CARMIL1: variants seen among roughly 807,000 people sequenced by gnomAD.
CARMIL1 encodes the protein F-actin-uncapping protein LRRC16A.
CARMIL1 carries 90 observed loss-of-function variants against 177.1 expected under a neutral mutation model. The ratio of observed to expected loss-of-function variants is 0.51; its 90% confidence interval spans 0.43 to 0.61. The LOEUF is 0.61. CARMIL1 is among the 20% of genes least tolerant of loss of function. The pLI, the probability that CARMIL1 is intolerant of heterozygous loss-of-function variation, is 0.00. For synonymous variants in CARMIL1, 577 were observed against 606.2 expected, an observed-to-expected ratio of 0.95 and a Z score of 0.71; for missense variants, 1,380 against 1,667.0, an observed-to-expected ratio of 0.83 and a Z score of 3.00.
chr6:25,610,678 G>A (rs538521740), intron 36 of CARMIL1, among the ~76,000 whole-genome samples: 1 of 152,196 alleles, frequency 6.6e-6, no homozygotes, highest in African/African-American at 2.4e-5. Context: ...GAAGTGTGGT[G>A]CAGACATGGA....
intron 8 of CARMIL1, among the ~76,000 whole-genome samples, chr6:25,464,068 C>T (rs185799261): frequency 8.5e-4 from 130 of 152,102 alleles, no homozygotes; most frequent in Middle Eastern, 3.4e-3. Context: ...GTGATCCGCC[C>T]GTCTCGGCCT....
At position 25,515,740 on chromosome 6, in the gene CARMIL1, C is replaced by T; in HGVS notation, c.1698C>T (p.Ala566=). The change falls in exon 21 of 37, where the codon GCC becomes GCT. Residue 566 remains alanine, a synonymous_variant. Transcript: ENST00000329474. The surrounding 1 kb of genome is among the most constrained non-coding windows in gnomAD (Gnocchi z 5.0). ...CTGAGGTCACCATCATCATCAATGCCCTGGGAAGCAACACCTCCCTGACCA... is the reference window on the plus strand; with the variant it reads ...CTGAGGTCACCATCATCATCAATGCTCTGGGAAGCAACACCTCCCTGACCA... The part of the protein sequence containing the change: ...LKTEVTIIIN[A]LGSNTSLTKV... 6.2e-7 allele frequency: 1 copy of T among 1,610,926 alleles called. No individual in the cohort carries two copies. Among genetic ancestry groups the T allele is most frequent in the Non-Finnish European group, 8.5e-7 (1 of 1,178,762 alleles).
chr6:25,279,949 G>A, intron 1 of CARMIL1, 114 bp downstream of exon 1: 2 of 1,257,130 alleles, frequency 1.6e-6, no homozygotes, highest in South Asian at 1.2e-5. Flanking sequence ...GCCCCTTAGG[G>A]CAGAGTGGTG....
chr6:25,337,316 T>C (rs746760747), intron 2 of CARMIL1, among the ~76,000 whole-genome samples: 6 of 152,228 alleles, frequency 3.9e-5, no homozygotes, highest in Admixed American at 1.3e-4. Flanking sequence ...TAACATTTCC[T>C]GAGGATTGCA....
intron 4 of CARMIL1, among the ~76,000 whole-genome samples, chr6:25,433,768 G>T (rs1348009647): frequency 6.6e-6 from 1 of 152,122 alleles, no homozygotes; most frequent in Non-Finnish European, 1.5e-5. Context: ...TCTTCTAGAG[G>T]TATTTATGAA....
At chr6:25,378,542 G>A (rs569222952) in intron 2 of CARMIL1, among the ~76,000 whole-genome samples, 8 of 152,288 alleles carry the variant, frequency 5.3e-5, no homozygotes, top group Admixed American at 2.6e-4. Flanking sequence ...GATCAGCAGT[G>A]GCTTCCCTCT....
At chr6:25,386,559 A>G (rs1792184324) in intron 2 of CARMIL1, among the ~76,000 whole-genome samples, 1 of 152,038 alleles carries the variant, frequency 6.6e-6, no homozygotes, top group Non-Finnish European at 1.5e-5. Context: ...TTGTAATCTG[A>G]TATCTTGCTA....
chr6:25,456,982 AT>A (rs112794224), intron 8 of CARMIL1, among the ~76,000 whole-genome samples: 27,432 of 139,570 alleles, frequency 0.2, 2,600 homozygotes, highest in African/African-American at 0.27. Context: ...TCAAAGCTCC[AT>A]TTTTTTTTTT....
chr6:25,280,471 T>C (rs970970225), intron 1 of CARMIL1, among the ~76,000 whole-genome samples: 4 of 152,176 alleles, frequency 2.6e-5, no homozygotes, highest in African/African-American at 9.6e-5. Context: ...AGAGGGTTAA[T>C]GATAAAAGCC....
At chr6:25,517,285 T>G in intron 21 of CARMIL1, 62 bp from the exon 22 acceptor site, 1 of 1,275,136 alleles carries the variant, frequency 7.8e-7, no homozygotes, top group East Asian at 2.3e-5. Context: ...GAGGTTTATA[T>G]TCAATGTGAG....
chr6:25,459,273 T>TCTTTCTTTCTTTCTTTCTTTCTTTCTTCC (rs1390647134), intron 8 of CARMIL1, among the ~76,000 whole-genome samples: 2 of 132,758 alleles, frequency 1.5e-5, no homozygotes, highest in Non-Finnish European at 3.2e-5. Context: ...TTTCTTTTTT[T>TCTTTCTTTCTTTCTTTCTTTCTTTCTTCC]TTTTTTTAAG....
chr6:25,561,983 T>A (rs1270880059), intron 29 of CARMIL1, among the ~76,000 whole-genome samples: 1 of 152,200 alleles, frequency 6.6e-6, no homozygotes, highest in Non-Finnish European at 1.5e-5. Context: ...CGAAAATGGT[T>A]AATGTGTGTT....
chr6:25,583,149 T>C (rs1049187547), intron 31 of CARMIL1, among the ~76,000 whole-genome samples: 1 of 152,254 alleles, frequency 6.6e-6, no homozygotes, highest in African/African-American at 2.4e-5. Context: ...GGAAAGAATC[T>C]GAACAAAGAG....
At chr6:25,387,584 C>A (rs983469479) in intron 2 of CARMIL1, among the ~76,000 whole-genome samples, 9 of 152,194 alleles carry the variant, frequency 5.9e-5, no homozygotes, top group Non-Finnish European at 1.2e-4. Context: ...ATTTTGAAGA[C>A]CATCTTTTGA....
intron 29 of CARMIL1, among the ~76,000 whole-genome samples, chr6:25,561,877 T>A (rs943786952): frequency 1.3e-5 from 2 of 152,202 alleles, no homozygotes; most frequent in Non-Finnish European, 2.9e-5. Flanking sequence ...GATATTACTT[T>A]TGAAAACAGA....
Position 25,515,175 on chromosome 6 carries a change from T to G in CARMIL1, c.1633-500T>G, listed in dbSNP as rs1725851444. ...TGGGTTAGTGGGAAGATTAAGTGAA[T>G]TAATATACATAAAAAGCTTAAATGG... is the stretch of plus-strand genomic sequence containing the variant. On this transcript the variant is annotated intron_variant, in intron 20 of 36. Coordinates refer to ENST00000329474, the MANE Select transcript of CARMIL1 (RefSeq NM_017640.6). The surrounding 1 kb of genome is among the most constrained non-coding windows in gnomAD (Gnocchi z 5.0). Among the ~76,000 whole-genome samples the G allele has an allele frequency of 6.6e-6, 1 of 152,172 alleles. No individual in the cohort carries two copies. The highest frequency in any genetic ancestry group is 1.5e-5 in the Non-Finnish European group (1 of 68,038).
At chr6:25,614,234 G>T (rs958325806) in intron 36 of CARMIL1, among the ~76,000 whole-genome samples, 17 of 152,168 alleles carry the variant, frequency 1.1e-4, no homozygotes, top group African/African-American at 4.1e-4. Flanking sequence ...GGGTTCCGGC[G>T]TATACTAGCT....
chr6:25,299,155 TG>T (rs1003006449), intron 2 of CARMIL1, among the ~76,000 whole-genome samples: 2 of 148,404 alleles, frequency 1.3e-5, no homozygotes, highest in African/African-American at 5.0e-5. Context: ...GAAGGATTCC[TG>T]GGCATGCTGG....
intron 29 of CARMIL1, among the ~76,000 whole-genome samples, chr6:25,560,456 G>C (rs1396927059): frequency 6.6e-6 from 1 of 151,372 alleles, no homozygotes; most frequent in Non-Finnish European, 1.5e-5. Context: ...GGTTTAAAAA[G>C]CCTTCTTATT....
Sources: allele counts gnomAD v4.1 joint callset (sites outside exome capture counted in the v4.1 genomes callset), GRCh38; gene constraint gnomAD v4.1.1; non-coding constraint Gnocchi (gnomAD v3.1); transcripts MANE v1.5; gene names NCBI Gene and HGNC (gene_info 2026-07-23, HGNC 2026-07-21).